The following UBE2W variants were observed in gnomAD, a reference collection of about 807,000 sequenced individuals.
The protein encoded by UBE2W is ubiquitin-conjugating enzyme E2 W.
UBE2W carries 18 observed loss-of-function variants against 27.2 expected under a neutral mutation model. That is an observed-to-expected ratio of 0.66 (90% CI 0.46 to 0.98). UBE2W has a LOEUF of 0.98. Among genes scored for constraint, UBE2W ranks in the 50% least tolerant of loss-of-function variants. The pLI is 0.00. For synonymous variants in UBE2W, 53 were observed against 57.2 expected (o/e 0.93, Z 0.33); for missense variants, 90 against 180.2 (o/e 0.50, Z 2.87).
At chr8:73,803,328 C>T (rs892681277) in intron 5 of UBE2W, among the ~76,000 whole-genome samples, 2 of 152,206 alleles carry the variant, frequency 1.3e-5, no homozygotes, top group African/African-American at 4.8e-5. Context: ...TGATTACTTA[C>T]TAAATAATCC....
chr8:73,783,856 G>C (rs1031918104), downstream of UBE2W, among the ~76,000 whole-genome samples: 10 of 152,154 alleles, frequency 6.6e-5, no homozygotes, highest in African/African-American at 2.4e-4. Context: ...TCCGTCTCCT[G>C]GTTCAAGCAA....
downstream of UBE2W, among the ~76,000 whole-genome samples, chr8:73,785,938 C>A (rs190671727): frequency 6.6e-6 from 1 of 152,186 alleles, no homozygotes; most frequent in Non-Finnish European, 1.5e-5. Flanking sequence ...ATCTGCACCT[C>A]TTAAGGCTTG....
At chr8:73,866,887 C>T (rs1811797032) in intron 1 of UBE2W, among the ~76,000 whole-genome samples, 3 of 151,620 alleles carry the variant, frequency 2.0e-5, no homozygotes, top group Non-Finnish European at 2.9e-5. Flanking sequence ...CACCTGTAGT[C>T]CCAGCTACTC....
Position 73,786,668 on chromosome 8 carries a change from T to G in UBE2W, c.*7434A>C, listed in dbSNP as rs1807968508. ...TGGAAGCTTGCATTGCTACTGCTTA[T>G]GAAACAAGGTTTGTGGACAGCTGAA... On this transcript the variant is annotated 3_prime_UTR_variant, in exon 6 of 6. Transcript: ENST00000602593. The G allele has an allele frequency of 2.0e-6, 2 of 985,440 alleles. No individual in the cohort carries two copies. Among genetic ancestry groups the G allele is most frequent in the Non-Finnish European group, 1.2e-6 (1 of 829,950 alleles). The allele number at this position is 985,440 out of a possible 1,614,324, so 61.0% of individuals were successfully genotyped here. A position where few individuals can be genotyped will look rare whatever the true frequency, so the allele number is the denominator to read the frequency against.
rs1298728912 is a variant in UBE2W, at chr8:73,825,176, T to A, written c.181A>T (p.Ser61Cys). 6.4e-7 allele frequency: 1 copy of A among 1,558,496 alleles called. No homozygotes were observed. The highest frequency in any genetic ancestry group is 1.2e-5 in the South Asian group (1 of 84,484). Residue 61 changes from serine to cysteine, a missense_variant, in exon 3 of 6, where the codon AGT becomes TGT. Ser to Cys is a moderately radical substitution (Grantham distance 112, BLOSUM62 -1). Coordinates refer to ENST00000602593, the MANE Select transcript of UBE2W (RefSeq NM_018299.6). ...GEKFQLLFKF[S>C]SRYPFDSPQV... ...GGAGAGTCAAAAGGATATCGACTAC[T>A]AAATTTAAATAGAAGTTGAAATTTT...
Position 73,788,974 on chromosome 8 carries a change from A to T in UBE2W, c.*5128T>A. On this transcript the variant is annotated 3_prime_UTR_variant, in exon 6 of 6. Transcript: ENST00000602593. ...ATTTTATTAACAAAAAATTTTTCAT[A>T]AAAAAATAGTCATTTAATCATTCTA... The T allele has an allele frequency of 1.0e-6, 1 of 982,626 alleles. No individual in the cohort carries two copies. Among genetic ancestry groups the T allele is most frequent in the Non-Finnish European group, 1.2e-6 (1 of 827,512 alleles). The allele number at this position is 982,626 out of a possible 1,614,324, so 60.9% of individuals were successfully genotyped here.
At position 73,791,722 on chromosome 8, in the gene UBE2W, T is replaced by C; in HGVS notation, c.*2380A>G. 2 of 984,750 alleles carry C rather than the reference T, an allele frequency of 2.0e-6. No homozygotes were observed. Among genetic ancestry groups the C allele is most frequent in the South Asian group, 4.7e-5 (1 of 21,246 alleles). 61.0% of individuals were successfully genotyped at this position (984,750 alleles called of 1,614,324 possible). A position where few individuals can be genotyped will look rare whatever the true frequency, so the allele number is the denominator to read the frequency against. On this transcript the variant is annotated 3_prime_UTR_variant, in exon 6 of 6. Coordinates refer to ENST00000602593, the MANE Select transcript of UBE2W (RefSeq NM_018299.6). ...TTCAAGAGAGTGTTGTTAGCCTGAT[T>C]ATGAATTTTAAATGTCTGTGCTCCT...
intron 1 of UBE2W, among the ~76,000 whole-genome samples, chr8:73,841,758 C>A (rs1810546055): frequency 6.6e-6 from 1 of 152,186 alleles, no homozygotes; most frequent in East Asian, 1.9e-4. Flanking sequence ...AGGATTAGGA[C>A]TGGATTTTGC....
rs1402108651 is a variant in UBE2W at position 73,791,474 on chromosome 8, G to A, written c.*2628C>T. On this transcript the variant is annotated 3_prime_UTR_variant, in exon 6 of 6. Coordinates refer to ENST00000602593, the MANE Select transcript of UBE2W (RefSeq NM_018299.6). ...GCCTATGTCGCAAATAGTGCCCCAC[G>A]AGGAAATGCAGGGAGGAGGCAAGTA... 4.1e-6 allele frequency: 4 copies of A among 985,114 alleles called. No individual in the cohort carries two copies. In the African/African-American group the frequency reaches 5.2e-5, roughly 13 times the overall value. The allele number at this position is 985,114 out of a possible 1,614,324, so 61.0% of individuals were successfully genotyped here. A position where few individuals can be genotyped will look rare whatever the true frequency, so the allele number is the denominator to read the frequency against.
chr8:73,802,241 AAT>A (rs932275557), intron 5 of UBE2W, among the ~76,000 whole-genome samples: 1 of 152,210 alleles, frequency 6.6e-6, no homozygotes, highest in Non-Finnish European at 1.5e-5. Flanking sequence ...GTATGAAAAC[AAT>A]TTTATTCTAC....
At chr8:73,858,858 C>T (rs978032857) in intron 1 of UBE2W, among the ~76,000 whole-genome samples, 1 of 148,724 alleles carries the variant, frequency 6.7e-6, no homozygotes, top group Non-Finnish European at 1.5e-5. Context: ...CCTTCTCTAT[C>T]ATTAGGGGGG....
chr8:73,842,295 G>A (rs1039623900), intron 1 of UBE2W, among the ~76,000 whole-genome samples: 5 of 151,898 alleles, frequency 3.3e-5, no homozygotes, highest in African/African-American at 7.3e-5. Flanking sequence ...CTGGGAGGCC[G>A]AGGCGGGTGG....
chr8:73,858,313 A>G (rs1170448090), intron 1 of UBE2W, among the ~76,000 whole-genome samples: 1 of 148,266 alleles, frequency 6.7e-6, no homozygotes, highest in African/African-American at 2.5e-5. Context: ...GTGAGCCGAG[A>G]TTATGTCATT....
chr8:73,793,963 T>A lies in UBE2W; in HGVS notation c.*139A>T. 1 of 1,481,820 alleles carries A rather than the reference T, an allele frequency of 6.7e-7. No homozygotes were observed. Among genetic ancestry groups the A allele is most frequent in the Non-Finnish European group, 9.0e-7 (1 of 1,115,252 alleles). 91.8% of individuals were successfully genotyped at this position (1,481,820 alleles called of 1,614,324 possible). A position where few individuals can be genotyped will look rare whatever the true frequency, so the allele number is the denominator to read the frequency against. ...AACATGCGCCCAGAATGCACACGAG[T>A]AAAAATGCAGTAAAAGGAAGTAGTC... is the stretch of plus-strand genomic sequence containing the variant. On this transcript the variant is annotated 3_prime_UTR_variant, in exon 6 of 6. Transcript: ENST00000602593.
intron 1 of UBE2W, among the ~76,000 whole-genome samples, chr8:73,832,459 A>G (rs891095622): frequency 3.9e-5 from 6 of 152,230 alleles, no homozygotes; most frequent in Non-Finnish European, 7.3e-5. Flanking sequence ...TAAGTTTTGC[A>G]TAATGGCTAA....
intron 1 of UBE2W, among the ~76,000 whole-genome samples, chr8:73,837,682 C>A: frequency 6.6e-6 from 1 of 152,170 alleles, no homozygotes. Flanking sequence ...TCAAGTGATC[C>A]TCCCACCCCA....
In UBE2W at chr8:73,792,394, CT is replaced by C. The variant is rs1232641993; in HGVS notation, c.*1707del. 5 of 985,008 alleles carry C rather than the reference CT, an allele frequency of 5.1e-6. No individual in the cohort carries two copies. Among genetic ancestry groups the C allele is most frequent in the Non-Finnish European group, 6.0e-6 (5 of 829,698 alleles). 61.0% of individuals were successfully genotyped at this position (985,008 alleles called of 1,614,324 possible). On this transcript the variant is annotated 3_prime_UTR_variant, in exon 6 of 6. Coordinates refer to ENST00000602593, the MANE Select transcript of UBE2W (RefSeq NM_018299.6). ...TCTATAGCAGACATATTTTTGAAGT[CT>C]ACCCACCCCTGAGTTCAGCAATTAT... is the stretch of plus-strand genomic sequence containing the variant.
At chr8:73,815,167 T>C (rs777879751) in intron 3 of UBE2W, among the ~76,000 whole-genome samples, 9 of 152,116 alleles carry the variant, frequency 5.9e-5, no homozygotes, top group Non-Finnish European at 2.9e-5. Context: ...ACTTGAGCCC[T>C]GGAGCTCAAG....
At chr8:73,840,955 C>T (rs1810512358) in intron 1 of UBE2W, among the ~76,000 whole-genome samples, 1 of 151,854 alleles carries the variant, frequency 6.6e-6, no homozygotes, top group African/African-American at 2.4e-5. Context: ...GAGAAACTAT[C>T]CTAAAGGGTA....
Sources: gnomAD v4.1 joint callset for allele counts (sites outside exome capture counted in the v4.1 genomes callset) on GRCh38, gnomAD v4.1.1 for gene constraint, MANE v1.5 for transcripts, NCBI Gene and HGNC (gene_info 2026-07-23, HGNC 2026-07-21) for gene names.